PDE4B: variants seen among roughly 807,000 people sequenced by gnomAD.
The protein encoded by PDE4B is phosphodiesterase 4B.
A neutral mutation model predicts 82.2 loss-of-function variants in PDE4B; 20 were observed. That is an observed-to-expected ratio of 0.24 (90% CI 0.17 to 0.35). The LOEUF (loss-of-function observed/expected upper bound fraction) is 0.35, where lower values mean the gene tolerates loss of function less well. Ranked by LOEUF, PDE4B falls within the 10% of genes least tolerant of loss-of-function variation. The probability of loss-of-function intolerance (pLI) is 1.00; values close to 1 mark genes in which losing one functional copy is unlikely to be tolerated. For missense variants in PDE4B, 655 were observed against 907.2 expected (o/e 0.72, Z 3.57); for synonymous variants, 320 against 318.9 (o/e 1.00, Z -0.04).
chr1:65,945,373 A>G lies in PDE4B; in HGVS notation c.281+26538A>G, dbSNP rs116377714. Among the ~76,000 whole-genome samples, 1,239 of 152,006 alleles carry G rather than the reference A, an allele frequency of 8.2e-3. 22 individuals carry two copies. The highest frequency in any genetic ancestry group is 0.028 in the African/African-American group (1,163 of 41,494). On this transcript the variant is annotated intron_variant, in intron 3 of 16. Coordinates refer to ENST00000341517, the MANE Select transcript of PDE4B (RefSeq NM_002600.4). ...CTGAGTAAATATTTTGTAGATTCCA[A>G]TTTGGTTGTCATATGCTTTGAGTTT...
chr1:66,116,949 G>A (rs1645607993), intron 3 of PDE4B, among the ~76,000 whole-genome samples: 1 of 152,104 alleles, frequency 6.6e-6, no homozygotes, highest in Non-Finnish European at 1.5e-5. Context: ...GTCCATCTCT[G>A]CCCGCCCTCA....
intron 7 of PDE4B, among the ~76,000 whole-genome samples, chr1:66,296,352 C>T (rs923014826): frequency 1.3e-5 from 2 of 152,086 alleles, no homozygotes; most frequent in South Asian, 2.1e-4. Flanking sequence ...AGTCTGTTTA[C>T]GATAAACAAG....
intron 3 of PDE4B, among the ~76,000 whole-genome samples, chr1:66,047,104 C>T (rs962308744): frequency 1.3e-5 from 2 of 151,824 alleles, no homozygotes; most frequent in African/African-American, 4.8e-5. Context: ...ATCAGTGATT[C>T]CTATGAGAAA....
chr1:66,059,145 T>G (rs1655457178), intron 3 of PDE4B, among the ~76,000 whole-genome samples: 1 of 152,222 alleles, frequency 6.6e-6, no homozygotes, highest in African/African-American at 2.4e-5. Flanking sequence ...ATGCCACCAG[T>G]CTCTTTGCTA....
At chr1:65,973,446 C>T (rs1650250110) in intron 3 of PDE4B, among the ~76,000 whole-genome samples, 2 of 152,044 alleles carry the variant, frequency 1.3e-5, no homozygotes, top group African/African-American at 4.8e-5. Context: ...TATTTTTCAG[C>T]TTTGAATCTC....
chr1:66,283,393 A>G (rs985570758), intron 7 of PDE4B, among the ~76,000 whole-genome samples: 37 of 151,870 alleles, frequency 2.4e-4, no homozygotes, highest in African/African-American at 8.9e-4. Context: ...ATATGTATAT[A>G]TGTATGTCAG....
chr1:66,102,049 A>G (rs1308888718), intron 3 of PDE4B, among the ~76,000 whole-genome samples: 2 of 152,118 alleles, frequency 1.3e-5, no homozygotes, highest in East Asian at 3.8e-4. Context: ...CTTTCTACAT[A>G]TGGCTATCCA....
intron 3 of PDE4B, among the ~76,000 whole-genome samples, chr1:65,994,232 C>T (rs192492426): frequency 1.3e-5 from 2 of 152,250 alleles, no homozygotes; most frequent in East Asian, 1.9e-4. Context: ...TGTTTGTCTG[C>T]TTAATCTACT....
At chr1:66,340,154 A>G (rs1660866431) in intron 8 of PDE4B, among the ~76,000 whole-genome samples, 1 of 152,180 alleles carries the variant, frequency 6.6e-6, no homozygotes, top group Admixed American at 6.5e-5. Flanking sequence ...AGCATTTTTC[A>G]GGGACCTACC....
At chr1:66,279,040 C>A (rs1454696279) in intron 7 of PDE4B, among the ~76,000 whole-genome samples, 1 of 152,156 alleles carries the variant, frequency 6.6e-6, no homozygotes, top group African/African-American at 2.4e-5. Context: ...TCCTCATCCA[C>A]AGAGCAAGGC....
At chr1:66,275,910 T>A (rs1340818596) in intron 7 of PDE4B, among the ~76,000 whole-genome samples, 1 of 152,170 alleles carries the variant, frequency 6.6e-6, no homozygotes, top group Non-Finnish European at 1.5e-5. Context: ...AGCGACCCCT[T>A]GGAGTTTTCT....
chr1:66,094,426 A>G (rs1374574527), intron 3 of PDE4B: 2 of 152,058 alleles, frequency 1.3e-5, no homozygotes, highest in African/African-American at 2.4e-5. Flanking sequence ...TTTAATATGA[A>G]CAATTGTGTT....
chr1:65,933,301 A>G (rs1647938629), intron 3 of PDE4B, among the ~76,000 whole-genome samples: 1 of 152,088 alleles, frequency 6.6e-6, no homozygotes, highest in South Asian at 2.1e-4. Context: ...GTGGGATGAT[A>G]TATTCAAAGT....
intron 7 of PDE4B, chr1:66,331,859 C>A (rs766665008): frequency 1.0e-6 from 1 of 985,654 alleles, no homozygotes; most frequent in Non-Finnish European, 1.2e-6. Context: ...CATTTTCCCT[C>A]TAATTAAAGG....
At chr1:66,081,807 A>ACTCTCT (rs72513051) in intron 3 of PDE4B, among the ~76,000 whole-genome samples, 1 of 140,836 alleles carries the variant, frequency 7.1e-6, no homozygotes, top group African/African-American at 2.6e-5. Flanking sequence ...GAAAAGTAAA[A>ACTCTCT]CTCTCTCTCT....
At chr1:66,358,387 T>C (rs879265553) in intron 9 of PDE4B, among the ~76,000 whole-genome samples, 4 of 152,150 alleles carry the variant, frequency 2.6e-5, no homozygotes, top group Non-Finnish European at 5.9e-5. Context: ...AAAATGTTTA[T>C]TAACAGGCCG....
chr1:66,061,683 A>G (rs533185685), intron 3 of PDE4B, among the ~76,000 whole-genome samples: 18 of 152,282 alleles, frequency 1.2e-4, no homozygotes, highest in Non-Finnish European at 2.1e-4. Flanking sequence ...GCTTTGTGTT[A>G]GCAAAAGGGA....
chr1:66,199,490 T>G (rs1481382177), intron 3 of PDE4B, among the ~76,000 whole-genome samples: 5 of 152,178 alleles, frequency 3.3e-5, no homozygotes, highest in African/African-American at 9.7e-5. Context: ...TAAATTTGTT[T>G]GAGTTCATTG....
chr1:66,209,786 C>A (rs1009179631), intron 3 of PDE4B, among the ~76,000 whole-genome samples: 21 of 152,134 alleles, frequency 1.4e-4, no homozygotes, highest in African/African-American at 4.3e-4. Context: ...AGTATATACT[C>A]TTTTTTGCCT....
Sources: allele counts gnomAD v4.1 joint callset (sites outside exome capture counted in the v4.1 genomes callset), GRCh38; gene constraint gnomAD v4.1.1; transcripts MANE v1.5; gene names NCBI Gene and HGNC (gene_info 2026-07-23, HGNC 2026-07-21).